Variants in DNAH9 observed in about 807,000 individuals in gnomAD.
The protein encoded by DNAH9 is DNAH9 variant protein.
Under a neutral mutation model 471.6 loss-of-function variants are expected in DNAH9, and 345 were observed. That is an observed-to-expected ratio of 0.73 (90% CI 0.67 to 0.80). DNAH9 has a LOEUF of 0.80. DNAH9 is among the 30% of genes least tolerant of loss of function. The pLI is 0.00. For missense variants in DNAH9, 5,407 were observed against 5,609.2 expected, an observed-to-expected ratio of 0.96 and a Z score of 1.15; for synonymous variants, 2,093 against 2,123.6, an observed-to-expected ratio of 0.99 and a Z score of 0.40.
chr17:11,622,445 C>T (rs1430417728), intron 6 of DNAH9, among the ~76,000 whole-genome samples: 1 of 152,170 alleles, frequency 6.6e-6, no homozygotes, highest in Non-Finnish European at 1.5e-5. Flanking sequence ...CTCATATCCA[C>T]CACCAATTCC....
Position 11,619,696 on chromosome 17 carries a change from A to G in DNAH9, c.1265A>G (p.Asn422Ser), listed in dbSNP as rs914128172. ...AATCTCCACACTTACTTCAAAGAGA[A>G]CCAGGAAGTCAAGGAATGGGATTTC... Reference protein sequence around the residue: ...RENLHTYFKENQEVKEWDFQS... With the variant: ...RENLHTYFKESQEVKEWDFQS... Residue 422 changes from asparagine to serine, a missense_variant, in exon 6 of 69, where the codon AAC (asparagine) becomes AGC (serine). Asn to Ser is a conservative substitution (Grantham distance 46). Coordinates refer to ENST00000262442, the MANE Select transcript of DNAH9 (RefSeq NM_001372.4). 1 of 1,614,080 alleles carries G rather than the reference A, an allele frequency of 6.2e-7. No individual in the cohort carries two copies. Among genetic ancestry groups the G allele is most frequent in the Non-Finnish European group, 8.5e-7 (1 of 1,179,930 alleles).
chr17:11,604,401 T>C (rs2072454384), intron 1 of DNAH9, among the ~76,000 whole-genome samples: 1 of 152,140 alleles, frequency 6.6e-6, no homozygotes, highest in Non-Finnish European at 1.5e-5. Context: ...ACACCCATTT[T>C]CTTGGGGGCT....
In DNAH9 at chr17:11,678,837, T is replaced by C. The variant is rs192914884; in HGVS notation, c.3354-920T>C. On this transcript the variant is annotated intron_variant, in intron 17 of 68. Coordinates refer to ENST00000262442, the MANE Select transcript of DNAH9 (RefSeq NM_001372.4). ...TCTCAAATGTTGCTCTTGTTTGTTC[T>C]ATTTCGTTCTTCTGGCACTTTTGTT... Among the ~76,000 whole-genome samples, 761 of 152,280 alleles carry C rather than the reference T, an allele frequency of 5.0e-3. 6 individuals are homozygous for C. Among genetic ancestry groups the C allele is most frequent in the African/African-American group, 0.017 (708 of 41,574 alleles).
At chr17:11,753,160 T>C (rs1234732653) in intron 33 of DNAH9, among the ~76,000 whole-genome samples, 200 bp downstream of exon 33, 1 of 152,256 alleles carries the variant, frequency 6.6e-6, no homozygotes, top group Non-Finnish European at 1.5e-5. Context: ...GGTACTGCCA[T>C]GGCTCACACC....
At chr17:11,878,791 T>C (rs1240772446) in intron 53 of DNAH9, among the ~76,000 whole-genome samples, 1 of 152,052 alleles carries the variant, frequency 6.6e-6, no homozygotes, top group Non-Finnish European at 1.5e-5. Context: ...CTGGTCTCAA[T>C]CTCCTGGCCT....
chr17:11,850,636 G>A, intron 49 of DNAH9, among the ~76,000 whole-genome samples: 1 of 137,116 alleles, frequency 7.3e-6, no homozygotes, highest in Admixed American at 7.9e-5. Context: ...GGGCGACAGT[G>A]TGAGACTCCA....
intron 61 of DNAH9, among the ~76,000 whole-genome samples, chr17:11,910,391 A>G (rs1363750762): frequency 1.3e-5 from 2 of 152,192 alleles, no homozygotes; most frequent in Admixed American, 6.5e-5. Context: ...TCAGAACTAC[A>G]TTCTTTCTTA....
chr17:11,668,675 A>C (rs76691346), intron 15 of DNAH9, among the ~76,000 whole-genome samples: 25,065 of 146,764 alleles, frequency 0.17, 2,258 homozygotes, highest in African/African-American at 0.19. Context: ...AAAAAAAAAA[A>C]AAAAAAAAAA....
chr17:11,610,095 A>C (rs1397474722), intron 2 of DNAH9, among the ~76,000 whole-genome samples: 9 of 152,220 alleles, frequency 5.9e-5, no homozygotes. Context: ...TGGCAGGACA[A>C]CGTACTGGCA....
Position 11,787,631 on chromosome 17 carries a change from G to A in DNAH9, c.8061+3092G>A, listed in dbSNP as rs570784634. 2.6e-4 allele frequency among the ~76,000 whole-genome samples: 39 copies of A among 152,296 alleles called. No individual in the cohort carries two copies. In the East Asian group the frequency reaches 3.9e-3, roughly 15 times the overall value. ...CCCTCGCTCTGTTCAGATCAGAACA[G>A]AATTTGATAGTGCTCTCATATGGTT... is the stretch of plus-strand genomic sequence containing the variant. On this transcript the variant is annotated intron_variant, in intron 41 of 68. Coordinates refer to ENST00000262442, the MANE Select transcript of DNAH9 (RefSeq NM_001372.4).
intron 62 of DNAH9, 36 bp from the exon 63 acceptor site, chr17:11,929,830 G>A (rs1252965416): frequency 6.4e-7 from 1 of 1,566,430 alleles, no homozygotes; most frequent in Admixed American, 1.8e-5. Context: ...CTAAGCAGAT[G>A]CCTGTATTGA....
intron 10 of DNAH9, among the ~76,000 whole-genome samples, chr17:11,643,702 A>G (rs1425849347): frequency 6.6e-6 from 1 of 152,170 alleles, no homozygotes; most frequent in African/African-American, 2.4e-5. Flanking sequence ...TATGATCAAT[A>G]TGCTCTATGA....
At chr17:11,768,419 G>A (rs756022132) in intron 36 of DNAH9, 34 bp from the exon 37 acceptor site, 28 of 1,601,594 alleles carry the variant, frequency 1.7e-5, no homozygotes, top group Non-Finnish European at 2.4e-5. Context: ...GAGTTCTGGA[G>A]GACCTTGTCC....
At position 11,727,848 on chromosome 17, in the gene DNAH9, C is replaced by G; in HGVS notation, c.5740C>G (p.Gln1914Glu). 6.2e-7 allele frequency: 1 copy of G among 1,614,066 alleles called. No homozygotes were observed. The highest frequency in any genetic ancestry group is 1.1e-5 in the South Asian group (1 of 91,072). The change falls in exon 28 of 69, where the codon CAG becomes GAG. Residue 1914 changes from glutamine to glutamate, a missense_variant. Gln to Glu is a conservative substitution (Grantham distance 29, BLOSUM62 2). This residue lies in a region of DNAH9 where 4,636 missense variants were observed against 4,900.3 expected (regional missense o/e 0.95). Transcript: ENST00000262442. ...SCGNIYKGLA[Q>E]TGAWGCFDEF... ...TGGCAACATCTACAAAGGCCTTGCT[C>G]AGACTGGTGCCTGGGGCTGCTTTGA...
intron 49 of DNAH9, among the ~76,000 whole-genome samples, chr17:11,846,144 T>G (rs1490889657): frequency 2.8e-5 from 4 of 145,240 alleles, no homozygotes; most frequent in Non-Finnish European, 6.0e-5. Flanking sequence ...AGGTCTAACG[T>G]TTAAGTCTTT....
chr17:11,656,959 T>A (rs2073662955), intron 14 of DNAH9, among the ~76,000 whole-genome samples: 1 of 136,180 alleles, frequency 7.3e-6, no homozygotes, highest in Non-Finnish European at 1.7e-5. Context: ...ATTGTATGAA[T>A]ATAACAGAAT....
At chr17:11,902,490 C>CCAAA (rs1413417957) in intron 59 of DNAH9, among the ~76,000 whole-genome samples, 2 of 152,104 alleles carry the variant, frequency 1.3e-5, no homozygotes, top group African/African-American at 4.8e-5. Flanking sequence ...TAATAATATC[C>CCAAA]CAAACATTTT....
rs202121504 is a variant in DNAH9, at chr17:11,891,898, G to T, written c.11234G>T (p.Gly3745Val). 2.0e-5 allele frequency: 32 copies of T among 1,614,044 alleles called. No individual in the cohort carries two copies. The Admixed American group carries it at 4.0e-4, about 20-fold the overall frequency. ...TCTGTGTACCAGTACACCATCCGCG[G>T]GCTCTTTGAGTGTGATAAGCTGACC... ...TFSVYQYTIR[G>V]LFECDKLTYL... The change falls in exon 58 of 69, where the codon GGG becomes GTG. Residue 3745 changes from glycine to valine, a missense_variant. Transcript: ENST00000262442.
At chr17:11,705,396 T>C (rs1169018614) in intron 26 of DNAH9, 1 of 520,450 alleles carries the variant, frequency 1.9e-6, no homozygotes, top group Non-Finnish European at 3.4e-6. Context: ...CAATGAGCCG[T>C]GACTTTTTGA....
Sources: allele counts gnomAD v4.1 joint callset (sites outside exome capture counted in the v4.1 genomes callset), GRCh38; gene constraint gnomAD v4.1.1; regional missense constraint gnomAD v4.1.1; transcripts MANE v1.5; gene names NCBI Gene and HGNC (gene_info 2026-07-23, HGNC 2026-07-21).